The following EFNA1 variants were observed in gnomAD, a reference collection of about 807,000 sequenced individuals.
EFNA1 encodes the protein ephrin-A1.
Under a neutral mutation model 23.2 loss-of-function variants are expected in EFNA1, and 8 were observed. The observed-to-expected ratio is 0.34, with a 90% CI of 0.20 to 0.62. EFNA1 has a LOEUF of 0.62. Ranked by LOEUF, EFNA1 falls within the 20% of genes least tolerant of loss-of-function variation. The pLI is 0.75. For missense variants in EFNA1, 217 were observed against 260.0 expected (o/e 0.83, Z 1.14); for synonymous variants, 89 against 98.6 (o/e 0.90, Z 0.58).
intron 2 of EFNA1, among the ~76,000 whole-genome samples, chr1:155,132,909 T>TGTTTTTTG (rs1664270200): frequency 8.3e-6 from 1 of 120,120 alleles, no homozygotes; most frequent in East Asian, 5.9e-4. Flanking sequence ...GAGTAGTTTT[T>TGTTTTTTG]GTTTTTTTGT....
At chr1:155,128,983 A>G (rs1004756543) in intron 1 of EFNA1, among the ~76,000 whole-genome samples, 1 of 151,938 alleles carries the variant, frequency 6.6e-6, no homozygotes, top group South Asian at 2.1e-4. Flanking sequence ...CGGCTTAGCC[A>G]CTCTCGGCCC....
chr1:155,130,794 A>C, intron 1 of EFNA1: 1 of 985,330 alleles, frequency 1.0e-6, no homozygotes, highest in Non-Finnish European at 1.2e-6. Context: ...GGGAAATGTG[A>C]GATCTACTCA....
chr1:155,132,676 A>G (rs949348333), intron 2 of EFNA1, among the ~76,000 whole-genome samples: 1 of 151,662 alleles, frequency 6.6e-6, no homozygotes, highest in Non-Finnish European at 1.5e-5. Flanking sequence ...AAAAAAATAC[A>G]AAAATTAGCC....
chr1:155,132,542 A>G (rs987513242), intron 2 of EFNA1, among the ~76,000 whole-genome samples: 1 of 149,220 alleles, frequency 6.7e-6, no homozygotes, highest in African/African-American at 2.4e-5. Flanking sequence ...ACCACCGCGC[A>G]TGGCCTGATG....
chr1:155,132,282 CTT>C (rs1557786336), intron 2 of EFNA1, among the ~76,000 whole-genome samples: 5 of 151,976 alleles, frequency 3.3e-5, no homozygotes. Flanking sequence ...GAGTTTCACT[CTT>C]GTCGCCCAGG....
At chr1:155,130,374 C>G in intron 1 of EFNA1, 1 of 343,764 alleles carries the variant, frequency 2.9e-6, no homozygotes. Context: ...GTGTCTGGAG[C>G]TGGTGGGGAG....
At chr1:155,131,178 T>C (rs545345796) in intron 1 of EFNA1, 161 bp from the exon 2 acceptor site, 1 of 1,341,308 alleles carries the variant, frequency 7.5e-7, no homozygotes, top group Non-Finnish European at 9.9e-7. Flanking sequence ...CAGAGAGAAA[T>C]GTAAGACATC....
At chr1:155,130,022 C>T (rs992643442) in intron 1 of EFNA1, 1 of 152,354 alleles carries the variant, frequency 6.6e-6, no homozygotes, top group Non-Finnish European at 1.5e-5. Flanking sequence ...ATGTTTATCT[C>T]TCCAGAGAGG....
In EFNA1 at chr1:155,131,584, C is replaced by T; in HGVS notation, c.338C>T (p.Pro113Leu). The T allele has an allele frequency of 1.2e-6, 2 of 1,613,926 alleles. No homozygotes were observed. The highest frequency in any genetic ancestry group is 1.7e-6 in the Non-Finnish European group (2 of 1,179,922). ...KLSEKFQRFT[P>L]FTLGKEFKEG... ...TCTGAGAAGTTCCAGCGCTTCACAC[C>T]TTTCACCCTGGGCAAGGAGTTCAAA... is the stretch of plus-strand genomic sequence containing the variant. Residue 113 changes from proline (P) to leucine (L), a missense_variant, in exon 2 of 5, where the codon CCT becomes CTT. Physicochemically the swap from Pro to Leu is moderately conservative, Grantham distance 98. Transcript: ENST00000368407.
intron 1 of EFNA1, among the ~76,000 whole-genome samples, chr1:155,128,722 G>A (rs1249967803): frequency 6.6e-6 from 1 of 152,190 alleles, no homozygotes; most frequent in East Asian, 1.9e-4. Context: ...GAGATCATGG[G>A]AAAGCTTCAG....
chr1:155,131,302 A>T (rs1459523857), intron 1 of EFNA1, 37 bp from the exon 2 acceptor site: 2 of 1,582,808 alleles, frequency 1.3e-6, no homozygotes, highest in Admixed American at 1.7e-5. Context: ...TGGCTTCTGA[A>T]TGACCACCTG....
chr1:155,130,039 A>G (rs769126811), intron 1 of EFNA1, among the ~76,000 whole-genome samples: 11 of 152,226 alleles, frequency 7.2e-5, no homozygotes, highest in Non-Finnish European at 1.3e-4. Context: ...GAGGAATTTT[A>G]AAAGCCTCTC....
Position 155,134,044 on chromosome 1 carries a change from C to T in EFNA1, c.595C>T (p.Leu199Phe), listed in dbSNP as rs777908694. ...PLAWTVLLLP[L>F]LLLQTP ...TGCCTGGACTGTGCTGCTCCTTCCA[C>T]TTCTGCTGCTGCAAACCCCGTGAAG... The change falls in exon 5 of 5, where the codon CTT becomes TTT. Residue 199 changes from leucine to phenylalanine, a missense_variant. Physicochemically the swap from Leu to Phe is conservative, Grantham distance 22. Coordinates refer to ENST00000368407, the MANE Select transcript of EFNA1 (RefSeq NM_004428.3). The T allele has an allele frequency of 5.0e-6, 8 of 1,614,138 alleles. No individual in the cohort carries two copies. The East Asian group carries it at 8.9e-5, about 18-fold the overall frequency.
chr1:155,134,210 A>C lies in EFNA1; in HGVS notation c.*143A>C. 6 of 804,494 alleles carry C rather than the reference A, an allele frequency of 7.5e-6. No homozygotes were observed. The highest frequency in any genetic ancestry group is 1.2e-5 in the Non-Finnish European group (6 of 500,444). The allele number at this position is 804,494 out of a possible 1,614,324, so 49.8% of individuals were successfully genotyped here. A position where few individuals can be genotyped will look rare whatever the true frequency, so the allele number is the denominator to read the frequency against. On this transcript the variant is annotated 3_prime_UTR_variant, in exon 5 of 5. Transcript: ENST00000368407. ...GCATAAGCTATCACCTAGCAGCCTC[A>C]AAACGGGTCAGTATTAAGGTTTTCA...
chr1:155,127,921 G>A lies in EFNA1; in HGVS notation c.-57G>A, dbSNP rs1051352991. On this transcript the variant is annotated 5_prime_UTR_variant, in exon 1 of 5. Transcript: ENST00000368407. The surrounding 1 kb of genome is among the most constrained non-coding windows in gnomAD (Gnocchi z 4.4). Reference sequence around the variant, plus strand: ...GACTGCGCCGCGGAGAAAGCCAGTGGGAACCCAGACCCATAGGAGACCCGC... The same window carrying A: ...GACTGCGCCGCGGAGAAAGCCAGTGAGAACCCAGACCCATAGGAGACCCGC... 2.8e-6 allele frequency: 4 copies of A among 1,405,422 alleles called. No individual in the cohort carries two copies. The African/African-American group carries it at 4.3e-5, about 15-fold the overall frequency. 87.1% of individuals were successfully genotyped at this position (1,405,422 alleles called of 1,614,324 possible). A position where few individuals can be genotyped will look rare whatever the true frequency, so the allele number is the denominator to read the frequency against.
chr1:155,131,618 C>G lies in EFNA1; in HGVS notation c.372C>G (p.His124Gln), dbSNP rs373761359. The stretch of plus-strand genomic sequence containing the variant: ...TGGGCAAGGAGTTCAAAGAAGGACA[C>G]AGCTACTACTACATCTGTGAGTGCC... ...FTLGKEFKEGHSYYYISKPIH... is the reference protein window; with the variant it reads ...FTLGKEFKEGQSYYYISKPIH... The change falls in exon 2 of 5, where the codon CAC becomes CAG. Residue 124 changes from histidine (H) to glutamine (Q), a missense_variant. Transcript: ENST00000368407. The G allele has an allele frequency of 3.7e-6, 6 of 1,612,124 alleles. No homozygotes were observed. The highest frequency in any genetic ancestry group is 5.1e-6 in the Non-Finnish European group (6 of 1,178,544).
chr1:155,132,738 G>A (rs1037496069), intron 2 of EFNA1, among the ~76,000 whole-genome samples: 1 of 151,620 alleles, frequency 6.6e-6, no homozygotes, highest in African/African-American at 2.4e-5. Flanking sequence ...GCTGAGGCAG[G>A]AGGATCGCTT....
intron 1 of EFNA1, 52 bp downstream of exon 1, chr1:155,128,121 C>T: frequency 4.0e-6 from 6 of 1,518,828 alleles, no homozygotes; most frequent in Non-Finnish European, 5.5e-6. Context: ...GGCACTACCC[C>T]ACCGGGATAA....
rs1324914487 is a variant in EFNA1, at chr1:155,128,052, G to A, written c.75G>A (p.Trp25Ter). Residue 25 changes from tryptophan (W) to a stop codon, truncating the protein, a stop_gained, in exon 1 of 5, where the codon TGG (tryptophan) becomes TGA (stop). Coordinates refer to ENST00000368407, the MANE Select transcript of EFNA1 (RefSeq NM_004428.3). LOFTEE classifies it high-confidence loss of function. Reference sequence around the variant, plus strand: ...CTGCTGATCGCCACACCGTCTTCTGGAACAGTTCAAATCCCAAGTAAGCCT... The same window carrying A: ...CTGCTGATCGCCACACCGTCTTCTGAAACAGTTCAAATCCCAAGTAAGCCT... ...LAAADRHTVF[W>*]NSSNPKFRNE... The A allele has an allele frequency of 6.2e-7, 1 of 1,613,722 alleles. No individual in the cohort carries two copies. Among genetic ancestry groups the A allele is most frequent in the Non-Finnish European group, 8.5e-7 (1 of 1,179,954 alleles).
Sources: gnomAD v4.1 joint callset for allele counts (sites outside exome capture counted in the v4.1 genomes callset) on GRCh38, gnomAD v4.1.1 for gene constraint, Gnocchi (gnomAD v3.1) non-coding constraint, MANE v1.5 for transcripts, NCBI Gene and HGNC (gene_info 2026-07-23, HGNC 2026-07-21) for gene names.